The following ENPP2 variants were observed in gnomAD, a reference collection of about 807,000 sequenced individuals.
ENPP2 encodes autotaxin.
ENPP2 carries 51 observed loss-of-function variants against 120.2 expected under a neutral mutation model. The ratio of observed to expected loss-of-function variants is 0.42; its 90% CI spans 0.34 to 0.54. ENPP2 has a LOEUF of 0.54. Among genes scored for constraint, ENPP2 ranks in the 20% least tolerant of loss-of-function variants. The pLI is 0.04. For synonymous variants in ENPP2, 365 were observed against 366.4 expected, an observed-to-expected ratio of 1.00 and a Z score of 0.04; for missense variants, 920 against 1,066.5, an observed-to-expected ratio of 0.86 and a Z score of 1.91.
Position 119,585,234 on chromosome 8 carries a change from T to C in ENPP2, c.1367+952A>G, listed in dbSNP as rs1171322695. On this transcript the variant is annotated intron_variant, in intron 15 of 24. Transcript: ENST00000075322. ...CCATGAGGATTTCCCACAACTGTTT[T>C]AGAAGACTCCAATAATTCCTGTTCT... 2.0e-5 allele frequency among the ~76,000 whole-genome samples: 3 copies of C among 152,232 alleles called. 1 individual carries two copies. The highest frequency in any genetic ancestry group is 7.2e-5 in the African/African-American group (3 of 41,458).
chr8:119,569,179 G>C (rs1368742465), intron 21 of ENPP2, 56 bp downstream of exon 21: 7 of 1,556,078 alleles, frequency 4.5e-6, no homozygotes, highest in Non-Finnish European at 6.2e-6. Flanking sequence ...CAAATACCAA[G>C]ATTGCACAAT....
chr8:119,572,524 A>AT, intron 19 of ENPP2: 1 of 397,428 alleles, frequency 2.5e-6, no homozygotes, highest in Non-Finnish European at 4.6e-6. Flanking sequence ...GTAACACTCT[A>AT]TTCCACAAAG....
chr8:119,638,843 T>C, upstream of ENPP2: 4 of 1,612,084 alleles, frequency 2.5e-6, no homozygotes, highest in Non-Finnish European at 3.4e-6. Flanking sequence ...GTGCACTGCT[T>C]TGAGGCTCTG....
rs576604449 is a variant in ENPP2, at chr8:119,658,469, T to C, written c.21+14783A>G. On this transcript the variant is annotated intron_variant, in intron 1 of 25. Coordinates refer to the ENPP2 transcript ENST00000427067. Reference sequence around the variant, plus strand: ...ATTTTTTGTAGAGAAGAGGTTTCACTGTATTGCCCAGGCTAAAAGCAGACA... The same window carrying C: ...ATTTTTTGTAGAGAAGAGGTTTCACCGTATTGCCCAGGCTAAAAGCAGACA... Among the ~76,000 whole-genome samples, 38 of 152,308 alleles carry C rather than the reference T, an allele frequency of 2.5e-4. 1 individual carries two copies. The South Asian group carries it at 6.4e-3, about 26-fold the overall frequency.
chr8:119,581,790 C>T (rs1290825942), intron 18 of ENPP2, among the ~76,000 whole-genome samples: 3 of 145,910 alleles, frequency 2.1e-5, no homozygotes, highest in Non-Finnish European at 3.0e-5. Flanking sequence ...GTCAGAGTCT[C>T]ACTCCGTCTT....
intron 1 of ENPP2, among the ~76,000 whole-genome samples, chr8:119,670,169 AGGTTAG>A (rs1279328813): frequency 6.6e-6 from 1 of 152,174 alleles, no homozygotes; most frequent in Admixed American, 6.5e-5. Context: ...TTCTTGGGGA[AGGTTAG>A]GATAGGTGCA....
chr8:119,636,066 C>T (rs1010415578), intron 2 of ENPP2, among the ~76,000 whole-genome samples: 3 of 152,186 alleles, frequency 2.0e-5, no homozygotes, highest in African/African-American at 7.2e-5. Context: ...ACCCTTGGAG[C>T]ACTGAGCTTC....
At chr8:119,627,760 G>T (rs1351669189) in intron 2 of ENPP2, among the ~76,000 whole-genome samples, 1 of 151,828 alleles carries the variant, frequency 6.6e-6, no homozygotes, top group Non-Finnish European at 1.5e-5. Context: ...TACTCGGGAG[G>T]CTGAGGCAGG....
chr8:119,561,968 C>G (rs1359430741), intron 24 of ENPP2, among the ~76,000 whole-genome samples: 1 of 151,892 alleles, frequency 6.6e-6, no homozygotes, highest in African/African-American at 2.4e-5. Context: ...GGAACCCTGT[C>G]TCTACTAAAA....
At chr8:119,625,544 A>C (rs1320834678) in intron 3 of ENPP2, among the ~76,000 whole-genome samples, 2 of 152,250 alleles carry the variant, frequency 1.3e-5, no homozygotes, top group Non-Finnish European at 2.9e-5. Context: ...AATAGCAATG[A>C]TAGTAAGAGT....
chr8:119,603,237 A>AG (rs397949186), intron 9 of ENPP2, among the ~76,000 whole-genome samples: 1 of 151,502 alleles, frequency 6.6e-6, no homozygotes, highest in Non-Finnish European at 1.5e-5. Flanking sequence ...AAAAAAAAAA[A>AG]GTGAATGCCA....
intron 13 of ENPP2, among the ~76,000 whole-genome samples, chr8:119,588,724 C>G (rs922160914): frequency 6.6e-6 from 1 of 151,872 alleles, no homozygotes; most frequent in Non-Finnish European, 1.5e-5. Flanking sequence ...CTCAAAGGGA[C>G]GAAATAAAGT....
At chr8:119,565,975 A>G (rs1814392668) in intron 22 of ENPP2, among the ~76,000 whole-genome samples, 1 of 152,000 alleles carries the variant, frequency 6.6e-6, no homozygotes, top group Non-Finnish European at 1.5e-5. Context: ...GTCTTTGCCT[A>G]CCTCTGTGAC....
At chr8:119,594,927 A>C (rs1813783093) in intron 11 of ENPP2, among the ~76,000 whole-genome samples, 1 of 152,226 alleles carries the variant, frequency 6.6e-6, no homozygotes. Flanking sequence ...TTGGGAAATC[A>C]GGTGTAAACT....
In ENPP2 at chr8:119,563,033, C is replaced by G. The variant is rs569329496; in HGVS notation, c.2265-20G>C. The G allele has an allele frequency of 8.1e-6, 13 of 1,609,240 alleles. No homozygotes were observed. The African/African-American group carries it at 1.2e-4, about 15-fold the overall frequency. ...ACGTACCTGAAACAGGAAGGTAAAA[C>G]GAAGTCACAGTTGATGAGTTGATGT... is the stretch of plus-strand genomic sequence containing the variant. On this transcript the variant is annotated intron_variant, in intron 23 of 24. Transcript: ENST00000075322.
At chr8:119,662,820 G>A (rs977179136) in intron 1 of ENPP2, among the ~76,000 whole-genome samples, 16 of 152,274 alleles carry the variant, frequency 1.1e-4, no homozygotes, top group African/African-American at 2.2e-4. Flanking sequence ...CATTGAAAAC[G>A]GGTAGTATAG....
intron 1 of ENPP2, among the ~76,000 whole-genome samples, chr8:119,648,198 A>G (rs542817227): frequency 1.1e-4 from 17 of 152,204 alleles, no homozygotes; most frequent in Non-Finnish European, 2.1e-4. Context: ...TAAAACACAC[A>G]AAATAAACAA....
intron 17 of ENPP2, 149 bp from the exon 18 acceptor site, chr8:119,582,751 C>T (rs1355345006): frequency 1.6e-6 from 1 of 626,132 alleles, no homozygotes; most frequent in African/African-American, 1.8e-5. Context: ...GCAGGCACCC[C>T]CTCCTTACCT....
chr8:119,598,367 T>C (rs1341676488), intron 11 of ENPP2, among the ~76,000 whole-genome samples: 1 of 152,140 alleles, frequency 6.6e-6, no homozygotes, highest in Non-Finnish European at 1.5e-5. Flanking sequence ...GAAGTAGTAA[T>C]ACTGAAAAAA....
Sources: gnomAD v4.1 joint callset for allele counts (sites outside exome capture counted in the v4.1 genomes callset) on GRCh38, gnomAD v4.1.1 for gene constraint, MANE v1.5 for transcripts, NCBI Gene and HGNC (gene_info 2026-07-23, HGNC 2026-07-21) for gene names.